The following CALN1 variants were observed in gnomAD, a reference collection of about 807,000 sequenced individuals.
The protein encoded by CALN1 is calneuron 1.
CALN1 carries 17 observed loss-of-function variants against 30.6 expected under a neutral mutation model. The ratio of observed to expected loss-of-function variants is 0.56; its 90% CI spans 0.38 to 0.83. The LOEUF (loss-of-function observed/expected upper bound fraction) is 0.83, where lower values mean the gene tolerates loss of function less well. Ranked by LOEUF, CALN1 falls within the 40% of genes least tolerant of loss-of-function variation. The pLI, the probability that CALN1 is intolerant of heterozygous loss-of-function variation, is 0.00. For synonymous variants in CALN1, 156 were observed against 131.4 expected (o/e 1.19, Z -1.28); for missense variants, 291 against 354.9 (o/e 0.82, Z 1.45).
intron 1 of CALN1, among the ~76,000 whole-genome samples, chr7:72,436,876 GC>G (rs1234735466): frequency 1.3e-5 from 2 of 152,116 alleles, no homozygotes; most frequent in Admixed American, 1.3e-4. Flanking sequence ...CTCTAGATGA[GC>G]CTGGGCAACA....
intron 3 of CALN1, among the ~76,000 whole-genome samples, chr7:72,239,410 T>A (rs952249780): frequency 2.1e-4 from 32 of 151,920 alleles, no homozygotes; most frequent in African/African-American, 7.3e-4. Flanking sequence ...AATAAATAAA[T>A]AAATAAATAA....
chr7:72,410,110 G>A (rs919447904), intron 1 of CALN1, among the ~76,000 whole-genome samples: 5 of 152,140 alleles, frequency 3.3e-5, no homozygotes, highest in African/African-American at 1.2e-4. Context: ...AATGGGGTAC[G>A]AGTTGCTGAC....
At chr7:72,485,423 T>C in the CALN1 span, among the ~76,000 whole-genome samples, 1 of 152,216 alleles carries the variant, frequency 6.6e-6, no homozygotes, top group Non-Finnish European at 1.5e-5. Context: ...TCACAGAATT[T>C]AGAAAGTTTT....
At chr7:71,854,217 G>C (rs957902990) in intron 5 of CALN1, among the ~76,000 whole-genome samples, 1 of 151,962 alleles carries the variant, frequency 6.6e-6, no homozygotes, top group Admixed American at 6.6e-5. Context: ...TGGAGAGAAA[G>C]AAACAGGCCG....
chr7:72,201,488 G>A (rs538830757), intron 3 of CALN1, among the ~76,000 whole-genome samples: 2 of 152,096 alleles, frequency 1.3e-5, no homozygotes, highest in African/African-American at 2.4e-5. Flanking sequence ...CTACTCGGGA[G>A]GCTGAGGCAG....
chr7:72,195,354 A>G (rs1169047392), intron 3 of CALN1, among the ~76,000 whole-genome samples: 2 of 152,276 alleles, frequency 1.3e-5, no homozygotes, highest in East Asian at 1.9e-4. Context: ...CAGCTGGAAA[A>G]TAAGTATTCT....
At chr7:72,087,453 A>G (rs1291018369) in intron 4 of CALN1, among the ~76,000 whole-genome samples, 1 of 152,142 alleles carries the variant, frequency 6.6e-6, no homozygotes, top group Non-Finnish European at 1.5e-5. Context: ...CCACCAATCA[A>G]TCGTCTGACT....
At chr7:72,427,325 T>C (rs544603006) in intron 1 of CALN1, among the ~76,000 whole-genome samples, 1 of 152,190 alleles carries the variant, frequency 6.6e-6, no homozygotes, top group Non-Finnish European at 1.5e-5. Context: ...TTTCCTTAGC[T>C]CAACTAGGGC....
intron 5 of CALN1, among the ~76,000 whole-genome samples, chr7:71,928,661 G>A (rs1400924156): frequency 1.3e-5 from 2 of 152,016 alleles, no homozygotes; most frequent in Non-Finnish European, 2.9e-5. Context: ...ATGGTTTTTT[G>A]TAGAGTCACA....
chr7:72,028,808 T>C (rs925178626), intron 4 of CALN1, among the ~76,000 whole-genome samples: 1 of 152,110 alleles, frequency 6.6e-6, no homozygotes, highest in African/African-American at 2.4e-5. Context: ...CTGGCCAACA[T>C]GGTGAAACCC....
chr7:72,007,282 G>C (rs1230326894), intron 5 of CALN1, among the ~76,000 whole-genome samples: 1 of 152,212 alleles, frequency 6.6e-6, no homozygotes, highest in Admixed American at 6.5e-5. Context: ...GAAGTGGCTT[G>C]CGCTTGCAAT....
chr7:72,114,373 G>A (rs771727189), intron 3 of CALN1, among the ~76,000 whole-genome samples: 1 of 150,124 alleles, frequency 6.7e-6, no homozygotes, highest in Non-Finnish European at 1.5e-5. Context: ...ACTGCAGGCT[G>A]TCTTGGAGGG....
intron 3 of CALN1, among the ~76,000 whole-genome samples, chr7:72,115,106 T>C (rs1025926997): frequency 6.8e-6 from 1 of 147,736 alleles, no homozygotes; most frequent in African/African-American, 2.5e-5. Flanking sequence ...ATATATATAG[T>C]ATAATATATA....
At chr7:72,050,777 G>A (rs1802781782) in intron 4 of CALN1, among the ~76,000 whole-genome samples, 1 of 152,088 alleles carries the variant, frequency 6.6e-6, no homozygotes, top group African/African-American at 2.4e-5. Context: ...AAGGTGGGAA[G>A]TTCATTTGAG....
intron 2 of CALN1, among the ~76,000 whole-genome samples, chr7:72,395,713 G>A (rs1046659901): frequency 6.6e-6 from 1 of 152,100 alleles, no homozygotes; most frequent in Non-Finnish European, 1.5e-5. Context: ...AGTTTCTTAG[G>A]TAAGATCATT....
chr7:72,051,698 G>A (rs1381396628), intron 4 of CALN1, among the ~76,000 whole-genome samples: 1 of 152,174 alleles, frequency 6.6e-6, no homozygotes, highest in Non-Finnish European at 1.5e-5. Flanking sequence ...TCCAAACATA[G>A]CTGACCACAG....
intron 2 of CALN1, among the ~76,000 whole-genome samples, chr7:72,310,987 G>C (rs1423109081): frequency 6.7e-6 from 1 of 150,018 alleles, no homozygotes; most frequent in African/African-American, 2.4e-5. Context: ...ATATGACATT[G>C]AAAGGCACGG....
intron 3 of CALN1, among the ~76,000 whole-genome samples, chr7:72,178,705 G>C (rs1310961044): frequency 2.0e-5 from 3 of 150,676 alleles, no homozygotes; most frequent in Admixed American, 2.0e-4. Flanking sequence ...AAAAAAGAAA[G>C]AAAGAAAAGG....
At chr7:71,823,579 A>G (rs778484606) in intron 5 of CALN1, among the ~76,000 whole-genome samples, 12 of 152,050 alleles carry the variant, frequency 7.9e-5, no homozygotes, top group South Asian at 6.2e-4. Context: ...TTAGCCGGGC[A>G]TGGTGGCAGG....
Sources: allele counts gnomAD v4.1 joint callset (sites outside exome capture counted in the v4.1 genomes callset), GRCh38; gene constraint gnomAD v4.1.1; transcripts MANE v1.5; gene names NCBI Gene and HGNC (gene_info 2026-07-23, HGNC 2026-07-21).